SAMMSON: variants seen among roughly 807,000 people sequenced by gnomAD.
SAMMSON encodes long intergenic non-protein coding RNA 1212.
At chr3:70,210,660 C>T (rs1210878152) in intron 4 of SAMMSON, among the ~76,000 whole-genome samples, 1 of 151,922 alleles carries the variant, frequency 6.6e-6, no homozygotes, top group African/African-American at 2.4e-5. Flanking sequence ...ATAAGGAACT[C>T]GTGAAACTAT....
At chr3:70,324,974 A>C (rs1412292627) in intron 7 of SAMMSON, among the ~76,000 whole-genome samples, 1 of 152,026 alleles carries the variant, frequency 6.6e-6, no homozygotes, top group Admixed American at 6.6e-5. Flanking sequence ...TGGATATTGA[A>C]AGCTGGAACC....
intron 7 of SAMMSON, among the ~76,000 whole-genome samples, chr3:70,309,936 A>G (rs1282782256): frequency 6.6e-6 from 1 of 152,184 alleles, no homozygotes; most frequent in Non-Finnish European, 1.5e-5. Context: ...TTAGGAAACA[A>G]TTGATTGGCC....
intron 6 of SAMMSON, among the ~76,000 whole-genome samples, chr3:70,274,090 T>TGTGC (rs770689062): frequency 6.9e-6 from 1 of 144,972 alleles, no homozygotes; most frequent in Non-Finnish European, 1.5e-5. Context: ...TGTGTGTGTG[T>TGTGC]GCGCGCGCGC....
chr3:70,141,943 C>T (rs1016024349), intron 4 of SAMMSON, among the ~76,000 whole-genome samples: 2 of 152,158 alleles, frequency 1.3e-5, no homozygotes, highest in African/African-American at 2.4e-5. Flanking sequence ...CTCAGCATCA[C>T]TAATGATCAG....
chr3:70,346,647 T>C (rs1009955009), intron 7 of SAMMSON, among the ~76,000 whole-genome samples: 8 of 152,166 alleles, frequency 5.3e-5, no homozygotes, highest in African/African-American at 7.2e-5. Context: ...TTAGGGAAGA[T>C]GTTCTAACTC....
chr3:70,257,505 G>A (rs528141937), intron 6 of SAMMSON, among the ~76,000 whole-genome samples: 1 of 152,152 alleles, frequency 6.6e-6, no homozygotes, highest in South Asian at 2.1e-4. Flanking sequence ...AAGAAGGGAA[G>A]AAGGAAGGAA....
chr3:70,344,714 GC>G (rs777029152), intron 7 of SAMMSON, among the ~76,000 whole-genome samples: 19 of 152,158 alleles, frequency 1.2e-4, no homozygotes, highest in Non-Finnish European at 2.5e-4. Context: ...TCCTGCACCT[GC>G]CCATCTGATT....
chr3:70,176,477 A>G (rs1257298309), intron 4 of SAMMSON, among the ~76,000 whole-genome samples: 2 of 152,128 alleles, frequency 1.3e-5, no homozygotes, highest in East Asian at 1.9e-4. Flanking sequence ...GTGGATGACA[A>G]AATATTCTTT....
chr3:70,410,873 T>A (rs954501965), intron 2 of SAMMSON, among the ~76,000 whole-genome samples: 4 of 152,190 alleles, frequency 2.6e-5, no homozygotes, highest in Non-Finnish European at 4.4e-5. Context: ...AAATATTGTC[T>A]CTTTTCACTG....
intron 4 of SAMMSON, among the ~76,000 whole-genome samples, chr3:70,103,243 TA>T (rs1238570775): frequency 6.6e-6 from 1 of 152,098 alleles, no homozygotes; most frequent in African/African-American, 2.4e-5. Context: ...TTTAACAAAT[TA>T]AAAAACAAAG....
At chr3:70,239,201 T>G (rs927782733) in intron 4 of SAMMSON, among the ~76,000 whole-genome samples, 2 of 152,198 alleles carry the variant, frequency 1.3e-5, no homozygotes, top group African/African-American at 4.8e-5. Context: ...GAGTACGTAC[T>G]CAGTTCAACT....
At chr3:70,163,354 T>TAGAGAG (rs71626390) in intron 4 of SAMMSON, among the ~76,000 whole-genome samples, 5 of 147,992 alleles carry the variant, frequency 3.4e-5, no homozygotes, top group East Asian at 2.0e-4. Flanking sequence ...TATATATATA[T>TAGAGAG]AGAGAGAGAG....
intron 9 of SAMMSON, among the ~76,000 whole-genome samples, chr3:70,367,362 C>A (rs2106743750): frequency 6.6e-6 from 1 of 151,650 alleles, no homozygotes; most frequent in African/African-American, 2.4e-5. Context: ...ATTCTACTCT[C>A]TACCTTCATG....
At chr3:70,100,387 A>G (rs1011535867) in intron 4 of SAMMSON, among the ~76,000 whole-genome samples, 1 of 152,038 alleles carries the variant, frequency 6.6e-6, no homozygotes, top group Non-Finnish European at 1.5e-5. Flanking sequence ...AGCTCAAGCA[A>G]TCTGTTTACC....
At position 70,367,393 on chromosome 3, in the gene SAMMSON, T is replaced by A. The variant is rs186923333; in HGVS notation, n.913+9069T>A. On this transcript the variant is annotated intron_variant and non_coding_transcript_variant, in intron 9 of 9. Coordinates refer to ENST00000642114, the Ensembl canonical transcript of SAMMSON. Reference sequence around the variant, plus strand: ...TCATGAGATGAATTTTTAAATTTTTTAAAAATTTTTTAATTGAAAACATCA... The same window carrying A: ...TCATGAGATGAATTTTTAAATTTTTAAAAAATTTTTTAATTGAAAACATCA... 1.7e-3 allele frequency among the ~76,000 whole-genome samples: 264 copies of A among 151,712 alleles called. 2 individuals are homozygous for A. The highest frequency in any genetic ancestry group is 5.2e-3 in the African/African-American group (217 of 41,542).
intron 9 of SAMMSON, among the ~76,000 whole-genome samples, chr3:70,382,925 A>T (rs2106752812): frequency 6.6e-6 from 1 of 152,244 alleles, no homozygotes; most frequent in South Asian, 2.1e-4. Flanking sequence ...TTTGAGACAA[A>T]GAGTATTCTC....
At chr3:70,113,898 C>G (rs1260775590) in intron 4 of SAMMSON, among the ~76,000 whole-genome samples, 1 of 152,146 alleles carries the variant, frequency 6.6e-6, no homozygotes, top group Non-Finnish European at 1.5e-5. Flanking sequence ...GAGAAGGCAG[C>G]TGTCTGCAAG....
chr3:70,285,412 A>T (rs1430759387), intron 6 of SAMMSON, among the ~76,000 whole-genome samples: 2 of 152,074 alleles, frequency 1.3e-5, no homozygotes, highest in African/African-American at 2.4e-5. Flanking sequence ...GCTGCATAGT[A>T]TTCTATGGTG....
chr3:70,176,251 T>C (rs946141916), intron 4 of SAMMSON, among the ~76,000 whole-genome samples: 2 of 152,162 alleles, frequency 1.3e-5, no homozygotes, highest in African/African-American at 2.4e-5. Flanking sequence ...CACAGGGTTA[T>C]ACCTGTAAGA....
Sources: gnomAD v4.1 joint callset for allele counts (sites outside exome capture counted in the v4.1 genomes callset) on GRCh38, gnomAD v4.1.1 for gene constraint, MANE v1.5 for transcripts, NCBI Gene and HGNC (gene_info 2026-07-23, HGNC 2026-07-21) for gene names.